Variants in SRGAP2 observed in about 807,000 individuals in gnomAD.
SRGAP2 encodes the protein SLIT-ROBO Rho GTPase activating protein 2.
SRGAP2 carries 15 observed loss-of-function variants against 57.2 expected under a neutral mutation model. The observed-to-expected ratio is 0.26, with a 90% CI of 0.18 to 0.40. The LOEUF (loss-of-function observed/expected upper bound fraction) is 0.40. Among genes scored for constraint, SRGAP2 ranks in the 10% least tolerant of loss-of-function variants. The pLI is 1.00. For synonymous variants in SRGAP2, 249 were observed against 248.0 expected (o/e 1.00, Z -0.04); for missense variants, 520 against 669.6 (o/e 0.78, Z 2.47).
chr1:206,375,532 G>A (rs1252543154), intron 4 of SRGAP2, among the ~76,000 whole-genome samples: 1 of 152,182 alleles, frequency 6.6e-6, no homozygotes, highest in Non-Finnish European at 1.5e-5. Flanking sequence ...AGATTTGATT[G>A]TCTGTTTTGT....
At chr1:206,331,475 T>C (rs1169515523) in intron 3 of SRGAP2, among the ~76,000 whole-genome samples, 1 of 134,902 alleles carries the variant, frequency 7.4e-6, no homozygotes, top group Admixed American at 7.4e-5. Context: ...GGACTTGCTT[T>C]ATGAATCTGG....
intron 3 of SRGAP2, chr1:206,333,560 A>T: frequency 1.2e-6 from 1 of 804,196 alleles, no homozygotes; most frequent in Non-Finnish European, 2.0e-6. Flanking sequence ...GACAGGTCCT[A>T]TGTTGCCCAG....
Position 206,438,077 on chromosome 1 carries a change from C to G in SRGAP2, c.1747C>G (p.His583Asp). 1 of 780,854 alleles carries G rather than the reference C, an allele frequency of 1.3e-6. No individual in the cohort carries two copies. Among genetic ancestry groups the G allele is most frequent in the East Asian group, 2.4e-5 (1 of 41,246 alleles). 48.4% of individuals were successfully genotyped at this position (780,854 alleles called of 1,614,324 possible). A position where few individuals can be genotyped will look rare whatever the true frequency, so the allele number is the denominator to read the frequency against. Residue 583 changes from histidine (H) to aspartate (D), a missense_variant, in exon 16 of 23, where the codon CAT (histidine) becomes GAT (aspartate). This residue lies in a region of SRGAP2 where 478 missense variants were observed against 373.6 expected (regional missense o/e 1.28). Transcript: ENST00000573034. ...CCCTCTCTTCCCCAAGGACATCTTT[C>G]ATGACCTGATGGCCTGCGTCAGTAA... The part of the protein sequence containing the change: ...EHPLFPKDIF[H>D]DLMACVTMDN...
chr1:206,385,005 T>C (rs1420311575), intron 5 of SRGAP2, among the ~76,000 whole-genome samples: 11 of 149,220 alleles, frequency 7.4e-5, no homozygotes, highest in Non-Finnish European at 1.6e-4. Context: ...CTTTTCTTCC[T>C]TTGTTTTTTT....
chr1:206,244,922 A>G (rs1462447108), intron 2 of SRGAP2, among the ~76,000 whole-genome samples: 14 of 150,930 alleles, frequency 9.3e-5, no homozygotes. Context: ...TACTGGCTGT[A>G]GACTTGACAA....
intron 2 of SRGAP2, chr1:206,214,733 T>C (rs1402480363): frequency 1.3e-5 from 2 of 148,574 alleles, no homozygotes; most frequent in African/African-American, 5.0e-5. Flanking sequence ...TGGAGGTTGC[T>C]GTGAGCCGAG....
At position 206,229,911 on chromosome 1, in the gene SRGAP2, G is replaced by T. The variant is rs528160743; in HGVS notation, c.67+23874G>T. Among the ~76,000 whole-genome samples the T allele has an allele frequency of 4.0e-4, 56 of 139,876 alleles. No individual in the cohort carries two copies. The East Asian group carries it at 8.6e-3, about 21-fold the overall frequency. 91.8% of individuals were successfully genotyped at this position (139,876 alleles called of 152,430 possible). A position where few individuals can be genotyped will look rare whatever the true frequency, so the allele number is the denominator to read the frequency against. ...TCTTCTGGTTATACGTTGAGAGAGAGATATATATGTACACATACATACACA... is the reference window on the plus strand; with the variant it reads ...TCTTCTGGTTATACGTTGAGAGAGATATATATATGTACACATACATACACA... On this transcript the variant is annotated intron_variant, in intron 2 of 22. Coordinates refer to ENST00000573034, the MANE Select transcript of SRGAP2 (RefSeq NM_015326.5).
At chr1:206,385,773 A>G (rs1464834068) in intron 5 of SRGAP2, among the ~76,000 whole-genome samples, 1 of 152,182 alleles carries the variant, frequency 6.6e-6, no homozygotes, top group African/African-American at 2.4e-5. Context: ...CTGCAGACTT[A>G]AGACAGCCCA....
Position 206,267,977 on chromosome 1 carries a change from G to A in SRGAP2, c.68-35304G>A, listed in dbSNP as rs1669964858. Among the ~76,000 whole-genome samples, 3 of 148,804 alleles carry A rather than the reference G, an allele frequency of 2.0e-5. No homozygotes were observed. In the South Asian group the frequency reaches 6.3e-4, roughly 31 times the overall value. ...ACATACAAATAAAATTCTCTACAGT[G>A]TGAAAATATCCTTTAAAATGAAGGT... On this transcript the variant is annotated intron_variant, in intron 2 of 22. Transcript: ENST00000573034.
Position 206,307,952 on chromosome 1 carries a change from G to T in SRGAP2, c.260+4479G>T, listed in dbSNP as rs1672359580. 4.6e-5 allele frequency among the ~76,000 whole-genome samples: 7 copies of T among 152,342 alleles called. No homozygotes were observed. In the South Asian group the frequency reaches 1.4e-3, roughly 32 times the overall value. On this transcript the variant is annotated intron_variant, in intron 3 of 22. Coordinates refer to ENST00000573034, the MANE Select transcript of SRGAP2 (RefSeq NM_015326.5). ...CTCCTCGAATTCCATTAAAGTGGGA[G>T]CCCAGGCAGGGGAGGTGCCGAGAGC...
intron 4 of SRGAP2, among the ~76,000 whole-genome samples, chr1:206,357,355 T>C (rs1453287653): frequency 6.0e-5 from 9 of 150,984 alleles, no homozygotes; most frequent in African/African-American, 2.2e-4. Flanking sequence ...ATGATTAACA[T>C]TTTGATGTAT....
chr1:206,305,799 G>T (rs1440516313), intron 3 of SRGAP2, among the ~76,000 whole-genome samples: 670 of 151,658 alleles, frequency 4.4e-3, no homozygotes, highest in Non-Finnish European at 7.7e-3. Context: ...CCAGCTCTGT[G>T]CAATGAAGAT....
chr1:206,464,159 C>G lies in SRGAP2; in HGVS notation c.*2739C>G, dbSNP rs1301348341. 1 of 152,646 alleles carries G rather than the reference C, an allele frequency of 6.6e-6. No homozygotes were observed. Among genetic ancestry groups the G allele is most frequent in the Non-Finnish European group, 1.5e-5 (1 of 68,060 alleles). 9.5% of individuals were successfully genotyped at this position (152,646 alleles called of 1,614,324 possible). The stretch of plus-strand genomic sequence containing the variant: ...CCAAGGAGATGAGGAGCGGTGATGC[C>G]AGCACCGGGATGCGCAGAGCACTGG... On this transcript the variant is annotated 3_prime_UTR_variant, in exon 23 of 23. Coordinates refer to ENST00000573034, the MANE Select transcript of SRGAP2 (RefSeq NM_015326.5).
chr1:206,384,455 C>G (rs2990588), intron 5 of SRGAP2, among the ~76,000 whole-genome samples: 10,481 of 143,112 alleles, frequency 0.073, 988 homozygotes, highest in African/African-American at 0.23. Flanking sequence ...TGTCGGAAAG[C>G]CTTTATTGTT....
chr1:206,359,091 GT>G (rs1325416878), intron 4 of SRGAP2, among the ~76,000 whole-genome samples: 1 of 152,164 alleles, frequency 6.6e-6, no homozygotes, highest in Non-Finnish European at 1.5e-5. Context: ...TTAGCCATCT[GT>G]TTCTTATCTT....
rs547074180 is a variant in SRGAP2, at chr1:206,449,827, C to T, written c.2100-559C>T. 2.9e-4 allele frequency among the ~76,000 whole-genome samples: 44 copies of T among 152,322 alleles called. 1 individual carries two copies. In the South Asian group the frequency reaches 8.3e-3, roughly 29 times the overall value. On this transcript the variant is annotated intron_variant, in intron 18 of 22. Transcript: ENST00000573034. The stretch of plus-strand genomic sequence containing the variant: ...GAAAGCAAGTACTATTTATTAAACA[C>T]CCACTCTGTGCCAAACTTGTGACTA...
chr1:206,253,589 T>C (rs1465814399), intron 2 of SRGAP2, among the ~76,000 whole-genome samples: 1 of 142,440 alleles, frequency 7.0e-6, no homozygotes, highest in Admixed American at 6.9e-5. Context: ...TTTTTTTTTT[T>C]TTTTGAGGCG....
chr1:206,275,805 C>T (rs1401243357), intron 2 of SRGAP2, among the ~76,000 whole-genome samples: 26 of 151,876 alleles, frequency 1.7e-4, no homozygotes, highest in South Asian at 4.2e-4. Flanking sequence ...TTAGTAGAGA[C>T]GGGGCTTCAC....
At chr1:206,238,049 A>C (rs1343433332) in intron 2 of SRGAP2, among the ~76,000 whole-genome samples, 7 of 1,798 alleles carry the variant, frequency 3.9e-3, no homozygotes, top group South Asian at 0.015. Context: ...AGAAGTACTA[A>C]CTAGACATAT....
Sources: gnomAD v4.1 joint callset for allele counts (sites outside exome capture counted in the v4.1 genomes callset) on GRCh38, gnomAD v4.1.1 for gene constraint, gnomAD v4.1.1 regional missense constraint, MANE v1.5 for transcripts, NCBI Gene and HGNC (gene_info 2026-07-23, HGNC 2026-07-21) for gene names.